AP2A2: variants seen among roughly 807,000 people sequenced by gnomAD.
AP2A2 encodes AP-2 complex subunit alpha-2.
A neutral mutation model predicts 104.2 loss-of-function variants in AP2A2; 32 were observed. The observed-to-expected ratio is 0.31, with a 90% CI of 0.23 to 0.41. The LOEUF is 0.41. Ranked by LOEUF, AP2A2 falls within the 10% of genes least tolerant of loss-of-function variation. The probability of loss-of-function intolerance (pLI) is 1.00; values close to 1 mark genes in which losing one functional copy is unlikely to be tolerated. For synonymous variants in AP2A2, 539 were observed against 533.3 expected (o/e 1.01, Z -0.15); for missense variants, 912 against 1,261.0 (o/e 0.72, Z 4.19).
At chr11:969,520 C>T (rs890094399) in intron 2 of AP2A2, among the ~76,000 whole-genome samples, 3 of 152,236 alleles carry the variant, frequency 2.0e-5, no homozygotes, top group African/African-American at 7.2e-5. Context: ...GCCACCGTGC[C>T]GGGCCCAGAA....
rs575422698 is a variant in AP2A2 at position 1,006,281 on chromosome 11, G to A, written c.2207-247G>A. 2.0e-5 allele frequency among the ~76,000 whole-genome samples: 3 copies of A among 152,368 alleles called. No homozygotes were observed. The South Asian group carries it at 6.2e-4, about 32-fold the overall frequency. On this transcript the variant is annotated intron_variant, in intron 16 of 21. Coordinates refer to ENST00000448903, the MANE Select transcript of AP2A2 (RefSeq NM_012305.4). ...CCCGTGTGGGTGCGCAGGAGGGGCC[G>A]AGGGAGGAGGGTGCTGGAGGGCGGA... is the stretch of plus-strand genomic sequence containing the variant.
chr11:954,000 AATTTTTGT>A, intron 1 of AP2A2, among the ~76,000 whole-genome samples: 1 of 151,932 alleles, frequency 6.6e-6, no homozygotes, highest in Middle Eastern at 3.4e-3. Flanking sequence ...ATGCCTGGCT[AATTTTTGT>A]ATTTTTAGTA....
At chr11:967,036 G>A (rs971110026) in intron 2 of AP2A2, among the ~76,000 whole-genome samples, 6 of 151,920 alleles carry the variant, frequency 3.9e-5, no homozygotes, top group Admixed American at 2.0e-4. Context: ...GTGTGGTGGC[G>A]TGTGCCTGTA....
At chr11:930,729 C>T (rs1853264482) in intron 1 of AP2A2, among the ~76,000 whole-genome samples, 1 of 152,144 alleles carries the variant, frequency 6.6e-6, no homozygotes, top group Admixed American at 6.5e-5. Context: ...ACCGTGTTAG[C>T]CAGGATGGTC....
chr11:1,008,534 A>G, intron 18 of AP2A2: 2 of 218,432 alleles, frequency 9.2e-6, no homozygotes, highest in Admixed American at 5.1e-5. Flanking sequence ...TGCTCAGTTG[A>G]GCTCAGATCG....
chr11:963,254 C>T (rs1346367311), intron 2 of AP2A2, among the ~76,000 whole-genome samples: 15 of 151,878 alleles, frequency 9.9e-5, no homozygotes, highest in East Asian at 5.8e-4. Context: ...GGTGAAACCC[C>T]GTGTCTATTA....
At chr11:1,004,033 G>C (rs1856115956) in intron 16 of AP2A2, among the ~76,000 whole-genome samples, 1 of 151,848 alleles carries the variant, frequency 6.6e-6, no homozygotes, top group African/African-American at 2.4e-5. Context: ...GGTGGGGGTG[G>C]GTGCAAAGTT....
intron 1 of AP2A2, among the ~76,000 whole-genome samples, chr11:943,592 C>A (rs1204284251): frequency 6.6e-6 from 1 of 152,182 alleles, no homozygotes; most frequent in Non-Finnish European, 1.5e-5. Flanking sequence ...GCCAGCTTCT[C>A]TGTGGAAAGT....
rs530218927 is a variant in AP2A2, at chr11:994,163, C to T, written c.1874C>T (p.Thr625Ile). 8 of 1,613,110 alleles carry T rather than the reference C, an allele frequency of 5.0e-6. No individual in the cohort carries two copies. In the African/African-American group the frequency reaches 6.7e-5, roughly 13 times the overall value. ...AAGAAGAAGGGCCCCAGCACGGTGA[C>T]AGACCTGGAGGACACCAAGCGGGAC... is the stretch of plus-strand genomic sequence containing the variant. ...LKKKKGPSTV[T>I]DLEDTKRDRS... Residue 625 changes from threonine (T) to isoleucine (I), a missense_variant, in exon 14 of 22, where the codon ACA becomes ATA. Thr to Ile is a moderately conservative substitution (Grantham distance 89). Around this residue, in one of 7 missense-constraint regions of AP2A2, gnomAD observed 105 missense variants for 90.9 expected, o/e 1.16. Transcript: ENST00000448903.
At position 968,810 on chromosome 11, in the gene AP2A2, C is replaced by T. The variant is rs534101161; in HGVS notation, c.137-1359C>T. On this transcript the variant is annotated intron_variant, in intron 2 of 21. Coordinates refer to ENST00000448903, the MANE Select transcript of AP2A2 (RefSeq NM_012305.4). This position sits in a 1 kb window ranked among gnomAD's most constrained non-coding sequence, Gnocchi z 4.2. ...GGGCCGGGGGAGGGAGGAACCAGGT[C>T]GGGTCTGCTTTTATTTATATCATCT... Among the ~76,000 whole-genome samples the T allele has an allele frequency of 6.6e-4, 101 of 152,186 alleles. No homozygotes were observed. Among genetic ancestry groups the T allele is most frequent in the African/African-American group, 2.4e-3 (100 of 41,522 alleles).
chr11:1,000,632 C>G (rs779308793), intron 15 of AP2A2, 34 bp downstream of exon 15: 3 of 1,525,002 alleles, frequency 2.0e-6, no homozygotes. Context: ...CAGACAGGCA[C>G]GGGGCTGCCG....
chr11:972,381 A>T (rs2134629595), intron 4 of AP2A2, 126 bp downstream of exon 4: 1 of 1,114,714 alleles, frequency 9.0e-7, no homozygotes, highest in South Asian at 1.6e-5. Context: ...GATGAGATGT[A>T]GCCTAAGGTG....
chr11:972,026 C>T (rs748382099), intron 3 of AP2A2, 36 bp from the exon 4 acceptor site: 1 of 1,579,100 alleles, frequency 6.3e-7, no homozygotes, highest in Non-Finnish European at 8.6e-7. Flanking sequence ...CTTGGATTGT[C>T]ATGAGCTTTC....
chr11:999,803 CTT>C lies in AP2A2; in HGVS notation c.1957-612_1957-611del, dbSNP rs71022992. 1.1e-3 allele frequency among the ~76,000 whole-genome samples: 137 copies of C among 124,704 alleles called. 4 individuals carry two copies. Among genetic ancestry groups the C allele is most frequent in the African/African-American group, 1.8e-3 (61 of 34,084 alleles). The allele number at this position is 124,704 out of a possible 152,430, so 81.8% of individuals were successfully genotyped here. A position where few individuals can be genotyped will look rare whatever the true frequency, so the allele number is the denominator to read the frequency against. ...GTAACATGCATGATCTTAGTTCTTT[CTT>C]TTTTTTTTTTTTTTTTGAGATGGAG... On this transcript the variant is annotated intron_variant, in intron 14 of 21. Coordinates refer to ENST00000448903, the MANE Select transcript of AP2A2 (RefSeq NM_012305.4).
chr11:1,010,530 C>T lies in AP2A2; in HGVS notation c.2743-18C>T, dbSNP rs905735110. 6 of 1,574,286 alleles carry T rather than the reference C, an allele frequency of 3.8e-6. No homozygotes were observed. In the African/African-American group the frequency reaches 6.7e-5, roughly 18 times the overall value. ...GAGCCTCGGCGTGCCCGTTGACCTGCTGTGCTCTCTGTTTCAGATGTACCG... is the reference window on the plus strand; with the variant it reads ...GAGCCTCGGCGTGCCCGTTGACCTGTTGTGCTCTCTGTTTCAGATGTACCG... On this transcript the variant is annotated intron_variant, in intron 21 of 21. Coordinates refer to ENST00000448903, the MANE Select transcript of AP2A2 (RefSeq NM_012305.4).
At position 993,106 on chromosome 11, in the gene AP2A2, C is replaced by T. The variant is rs1378720678; in HGVS notation, c.1453-178C>T. 6.6e-6 allele frequency among the ~76,000 whole-genome samples: 1 copy of T among 152,192 alleles called. No homozygotes were observed. The highest frequency in any genetic ancestry group is 1.5e-5 in the Non-Finnish European group (1 of 68,018). ...GTCAGCGTGTGGCAGCCTTGGGTTCCTTGCTGCTGACACAGGTACTGAGGG... is the reference window on the plus strand; with the variant it reads ...GTCAGCGTGTGGCAGCCTTGGGTTCTTTGCTGCTGACACAGGTACTGAGGG... On this transcript the variant is annotated intron_variant, in intron 11 of 21. Transcript: ENST00000448903. The surrounding 1 kb of genome is among the most constrained non-coding windows in gnomAD (Gnocchi z 8.2).
At chr11:956,011 G>GT (rs1178412065) in intron 1 of AP2A2, among the ~76,000 whole-genome samples, 1 of 152,100 alleles carries the variant, frequency 6.6e-6, no homozygotes, top group Admixed American at 6.5e-5. Context: ...ACTTGAGAAG[G>GT]TTTTTTAAAT....
At chr11:978,838 C>T (rs557090172) in intron 5 of AP2A2, among the ~76,000 whole-genome samples, 13 of 152,202 alleles carry the variant, frequency 8.5e-5, no homozygotes, top group Non-Finnish European at 1.5e-4. Flanking sequence ...GAAGCGTGGG[C>T]GGGACCAGGT....
rs11538725 is a variant in AP2A2, at chr11:993,907, C to T, written c.1704C>T (p.Leu568=). The part of the protein sequence containing the change: ...IQDVLRSDSQ[L]RNADVELQQR... ...ACGTGCTGCGCAGCGACAGCCAGCTCAGGAACGCAGACGTGGAGCTGCAGC... is the reference window on the plus strand; with the variant it reads ...ACGTGCTGCGCAGCGACAGCCAGCTTAGGAACGCAGACGTGGAGCTGCAGC... Residue 568 remains leucine (L), a synonymous_variant, in exon 13 of 22, where the codon CTC becomes CTT. Transcript: ENST00000448903. The surrounding 1 kb of genome is among the most constrained non-coding windows in gnomAD (Gnocchi z 8.2). 1 of 1,611,162 alleles carries T rather than the reference C, an allele frequency of 6.2e-7. No homozygotes were observed. The highest frequency in any genetic ancestry group is 8.5e-7 in the Non-Finnish European group (1 of 1,179,622).
Sources: gnomAD v4.1 joint callset for allele counts (sites outside exome capture counted in the v4.1 genomes callset) on GRCh38, gnomAD v4.1.1 for gene constraint, gnomAD v4.1.1 regional missense constraint, Gnocchi (gnomAD v3.1) non-coding constraint, MANE v1.5 for transcripts, NCBI Gene and HGNC (gene_info 2026-07-23, HGNC 2026-07-21) for gene names.